The following LIAS variants were observed in gnomAD, a reference collection of about 807,000 sequenced individuals.
LIAS encodes lipoyl synthase, mitochondrial.
Under a neutral mutation model 49.4 loss-of-function variants are expected in LIAS, and 36 were observed. The observed-to-expected ratio is 0.73, with a 90% CI of 0.56 to 0.96. LIAS has a LOEUF of 0.96. Ranked by LOEUF, LIAS falls within the 40% of genes least tolerant of loss-of-function variation. The pLI, the probability that LIAS is intolerant of heterozygous loss-of-function variation, is 0.00. For missense variants in LIAS, 399 were observed against 456.3 expected (o/e 0.87, Z 1.14); for synonymous variants, 145 against 155.8 (o/e 0.93, Z 0.52).
intron 7 of LIAS, chr4:39,469,549 T>C (rs535269718): frequency 6.5e-6 from 1 of 152,754 alleles, no homozygotes; most frequent in South Asian, 2.1e-4. Flanking sequence ...TCCTTTCCAG[T>C]GAAAATTCCA....
intron 9 of LIAS, among the ~76,000 whole-genome samples, chr4:39,471,982 C>T (rs1224903657): frequency 1.3e-5 from 2 of 151,800 alleles, no homozygotes; most frequent in East Asian, 3.9e-4. Flanking sequence ...GCTTTTGACT[C>T]CCAAAAAAAC....
At chr4:39,465,380 T>G in intron 6 of LIAS, 38 bp downstream of exon 6, 1 of 1,570,098 alleles carries the variant, frequency 6.4e-7, no homozygotes, top group Non-Finnish European at 8.7e-7. Flanking sequence ...AAGGACCTTT[T>G]TGGACCCATA....
intron 10 of LIAS, chr4:39,475,576 AT>A (rs1745166487): frequency 6.6e-6 from 1 of 152,156 alleles, no homozygotes; most frequent in African/African-American, 2.4e-5. Flanking sequence ...CTATAAAGAC[AT>A]TTAAGGCCGG....
chr4:39,473,849 A>AT (rs1336917107), intron 10 of LIAS: 2 of 152,224 alleles, frequency 1.3e-5, no homozygotes, highest in Non-Finnish European at 2.9e-5. Flanking sequence ...TTTCCAAGGG[A>AT]TAAAAAGTCA....
intron 3 of LIAS, among the ~76,000 whole-genome samples, chr4:39,463,098 CCTT>C (rs1249184138): frequency 1.3e-5 from 2 of 149,712 alleles, no homozygotes; most frequent in Non-Finnish European, 3.0e-5. Context: ...AGTTTAACAG[CCTT>C]TTTTTTTTTT....
intron 3 of LIAS, 119 bp from the exon 4 acceptor site, chr4:39,463,406 A>G: frequency 7.7e-7 from 1 of 1,293,340 alleles, no homozygotes; most frequent in South Asian, 2.0e-5. Flanking sequence ...TTGAATAGTG[A>G]ATGTCTTCAA....
intron 10 of LIAS, chr4:39,475,766 AC>A (rs1375696199): frequency 6.6e-6 from 1 of 152,190 alleles, no homozygotes; most frequent in African/African-American, 2.4e-5. Flanking sequence ...AGTTCTAGCT[AC>A]CCAGGAGGTT....
In LIAS at chr4:39,459,163, G is replaced by A; in HGVS notation, c.45+1G>A. 6.2e-7 allele frequency: 1 copy of A among 1,612,794 alleles called. No individual in the cohort carries two copies. The highest frequency in any genetic ancestry group is 8.5e-7 in the Non-Finnish European group (1 of 1,179,930). On this transcript the variant is annotated splice_donor_variant, in intron 1 of 10. Coordinates refer to ENST00000640888, the MANE Select transcript of LIAS (RefSeq NM_006859.4). LOFTEE classifies it high-confidence loss of function. Reference sequence around the variant, plus strand: ...TGCAGCCCGCACCCTGGGGCCCCGGGTGAGCGGCGGGGCGAACGGGTTTGG... The same window carrying A: ...TGCAGCCCGCACCCTGGGGCCCCGGATGAGCGGCGGGGCGAACGGGTTTGG...
intron 6 of LIAS, chr4:39,466,217 A>G (rs969945397): frequency 2.7e-5 from 4 of 150,838 alleles, no homozygotes; most frequent in African/African-American, 9.8e-5. Flanking sequence ...CTCAACCAAT[A>G]CTCCTGCCTC....
chr4:39,472,083 A>G (rs1745009625), intron 9 of LIAS, among the ~76,000 whole-genome samples: 1 of 151,330 alleles, frequency 6.6e-6, no homozygotes, highest in South Asian at 2.1e-4. Flanking sequence ...TTATATATAT[A>G]CGTATGTGTG....
intron 9 of LIAS, 137 bp downstream of exon 9, chr4:39,471,443 C>A: frequency 1.7e-6 from 1 of 588,230 alleles, no homozygotes; most frequent in Non-Finnish European, 2.9e-6. Flanking sequence ...AGGTGATTCT[C>A]CTGCCTCACC....
At chr4:39,472,648 G>A (rs1260909973) in intron 9 of LIAS, among the ~76,000 whole-genome samples, 2 of 152,158 alleles carry the variant, frequency 1.3e-5, no homozygotes, top group Non-Finnish European at 2.9e-5. Context: ...TTCTATCATG[G>A]ACATTTATCC....
intron 10 of LIAS, among the ~76,000 whole-genome samples, chr4:39,474,571 T>A (rs1246765066): frequency 1.3e-5 from 2 of 151,434 alleles, no homozygotes; most frequent in African/African-American, 4.8e-5. Flanking sequence ...CATTGTGAGA[T>A]CTCATCTCTT....
intron 6 of LIAS, 84 bp downstream of exon 6, chr4:39,465,426 A>T: frequency 8.6e-7 from 1 of 1,159,674 alleles, no homozygotes; most frequent in Non-Finnish European, 1.2e-6. Context: ...TGAAACAGGG[A>T]TTATTCACTT....
intron 10 of LIAS, chr4:39,476,061 A>T (rs1745184235): frequency 6.6e-6 from 1 of 152,234 alleles, no homozygotes. Context: ...CATGTGAAGG[A>T]TAGAACCACT....
At chr4:39,464,352 A>T (rs1052495758) in intron 4 of LIAS, 1 of 150,406 alleles carries the variant, frequency 6.6e-6, no homozygotes, top group Non-Finnish European at 1.5e-5. Flanking sequence ...AAAAAAAAAA[A>T]GTATCTTATA....
At chr4:39,459,243 C>A (rs1744310786) in intron 1 of LIAS, 81 bp downstream of exon 1, 6 of 1,290,642 alleles carry the variant, frequency 4.6e-6, no homozygotes, top group Non-Finnish European at 2.2e-6. Context: ...ATAATAAAGG[C>A]CAGTGCATTT....
At chr4:39,467,698 C>T in intron 7 of LIAS, 52 bp downstream of exon 7, 2 of 1,412,262 alleles carry the variant, frequency 1.4e-6, no homozygotes, top group Non-Finnish European at 1.9e-6. Context: ...CAAAATATGC[C>T]ATATATTCTT....
intron 2 of LIAS, among the ~76,000 whole-genome samples, chr4:39,461,549 A>C (rs1744497530): frequency 6.6e-6 from 1 of 152,242 alleles, no homozygotes; most frequent in South Asian, 2.1e-4. Flanking sequence ...AGTCTAAACA[A>C]GTAGAGTACT....
Sources: allele counts gnomAD v4.1 joint callset (sites outside exome capture counted in the v4.1 genomes callset), GRCh38; gene constraint gnomAD v4.1.1; transcripts MANE v1.5; gene names NCBI Gene and HGNC (gene_info 2026-07-23, HGNC 2026-07-21).